The following ATP2B3 variants were observed in gnomAD, a reference collection of about 807,000 sequenced individuals.
ATP2B3 encodes the protein plasma membrane calcium-transporting ATPase 3.
A neutral mutation model predicts 70.8 loss-of-function variants in ATP2B3; 12 were observed. The ratio of observed to expected loss-of-function variants is 0.17; its 90% CI spans 0.11 to 0.27. The LOEUF (loss-of-function observed/expected upper bound fraction) is 0.27. ATP2B3 is among the 10% of genes least tolerant of loss of function. The probability of loss-of-function intolerance (pLI) is 1.00; values close to 1 mark genes in which losing one functional copy is unlikely to be tolerated. For synonymous variants in ATP2B3, 460 were observed against 497.8 expected, an observed-to-expected ratio of 0.92 and a Z score of 1.01; for missense variants, 858 against 1,118.5, an observed-to-expected ratio of 0.77 and a Z score of 3.32.
chrX:153,531,064 G>A (rs986391793), intron 2 of ATP2B3, among the ~76,000 whole-genome samples: 17 of 111,854 alleles, frequency 1.5e-4, no homozygotes, highest in African/African-American at 2.9e-4. Context: ...GCCAAGGTGC[G>A]TCAAGCAGAG....
intron 13 of ATP2B3, among the ~76,000 whole-genome samples, chrX:153,554,757 G>A (rs781926665): frequency 8.9e-5 from 10 of 112,674 alleles, no homozygotes; most frequent in Non-Finnish European, 1.7e-4. Context: ...GAGCTGGGCC[G>A]GCCGGGGGCA....
chrX:153,570,940 C>T (rs1187962342), intron 21 of ATP2B3, among the ~76,000 whole-genome samples: 1 of 107,928 alleles, frequency 9.3e-6, no homozygotes, highest in African/African-American at 3.4e-5. Flanking sequence ...TTGGGCCACT[C>T]TGTCCTTTAA....
chrX:153,574,824 G>A, intron 21 of ATP2B3: 1 of 331,096 alleles, frequency 3.0e-6, no homozygotes, highest in Middle Eastern at 4.4e-4. Flanking sequence ...CTGGCCGGCA[G>A]TGGCATCGCA....
In ATP2B3 at chrX:153,548,586, C is replaced by T. The variant is rs963131559; in HGVS notation, c.1124-54C>T. On this transcript the variant is annotated intron_variant, in intron 9 of 21. Transcript: ENST00000263519. ...ACCTCTTCTTCCCTCTTCCTGTCCCCCTCCTTCCCTCACCCGTGGCAACCC... is the reference window on the plus strand; with the variant it reads ...ACCTCTTCTTCCCTCTTCCTGTCCCTCTCCTTCCCTCACCCGTGGCAACCC... 1.3e-5 allele frequency: 14 copies of T among 1,066,512 alleles called. No homozygotes were observed. In the African/African-American group the frequency reaches 2.4e-4, roughly 18 times the overall value. 87.9% of individuals were successfully genotyped at this position (1,066,512 alleles called of 1,213,427 possible).
At chrX:153,536,600 GC>G in intron 3 of ATP2B3, 145 bp downstream of exon 3, 2 of 649,177 alleles carry the variant, frequency 3.1e-6, no homozygotes, top group East Asian at 7.1e-5. Flanking sequence ...AGGGGGAGAT[GC>G]CCTGGGTAAC....
intron 11 of ATP2B3, 142 bp from the exon 12 acceptor site, chrX:153,549,903 A>T: frequency 9.2e-7 from 1 of 1,082,677 alleles, no homozygotes; most frequent in Admixed American, 3.0e-5. Context: ...AACTGCCTGT[A>T]GCTAAGGCCG....
intron 19 of ATP2B3, 146 bp from the exon 20 acceptor site, chrX:153,561,989 G>A (rs1035279383): frequency 4.4e-5 from 24 of 548,660 alleles, no homozygotes; most frequent in South Asian, 2.0e-4. Context: ...CTGTCATCAC[G>A]CCCCCGGCCT....
chrX:153,550,118 T>C lies in ATP2B3; in HGVS notation c.1655T>C (p.Leu552Ser). 8.2e-7 allele frequency: 1 copy of C among 1,212,605 alleles called. No individual in the cohort carries two copies. Among genetic ancestry groups the C allele is most frequent in the Non-Finnish European group, 1.1e-6 (1 of 895,684 alleles). The change falls in exon 12 of 22, where the codon TTG becomes TCG. Residue 552 changes from leucine to serine, a missense_variant. Around this residue, in one of 5 missense-constraint regions of ATP2B3, gnomAD observed 242 missense variants for 281.3 expected, o/e 0.86. Transcript: ENST00000263519. The part of the protein sequence containing the change: ...KTECALLGFV[L>S]DLKRDFQPVR... Reference sequence around the variant, plus strand: ...GAGTGCGCCCTGCTGGGCTTCGTCTTGGACCTGAAGCGGGACTTCCAGCCC... The same window carrying C: ...GAGTGCGCCCTGCTGGGCTTCGTCTCGGACCTGAAGCGGGACTTCCAGCCC...
At chrX:153,521,719 C>A (rs907177902) in intron 2 of ATP2B3, among the ~76,000 whole-genome samples, 7 of 111,742 alleles carry the variant, frequency 6.3e-5, no homozygotes, top group African/African-American at 2.3e-4. Context: ...AGGCTCAAGG[C>A]ACTTTCTCCA....
chrX:153,522,132 G>A (rs1161442261), intron 2 of ATP2B3, among the ~76,000 whole-genome samples: 8 of 112,647 alleles, frequency 7.1e-5, no homozygotes, highest in Admixed American at 5.6e-4. Flanking sequence ...GGGCTTGAAC[G>A]GGTCGTTCCT....
Position 153,550,134 on chromosome X carries a change from C to T in ATP2B3, c.1671C>T (p.Asp557=). ...GCTTCGTCTTGGACCTGAAGCGGGA[C>T]TTCCAGCCCGTGCGCGAGCAGATCC... ...LLGFVLDLKR[D]FQPVREQIPE... is the part of the protein sequence containing the mutation. Residue 557 remains aspartate, a synonymous_variant, in exon 12 of 22, where the codon GAC becomes GAT. Transcript: ENST00000263519. 1.6e-5 allele frequency: 19 copies of T among 1,212,621 alleles called. 1 individual carries two copies. Among genetic ancestry groups the T allele is most frequent in the Non-Finnish European group, 2.1e-5 (19 of 895,697 alleles).
Position 153,553,200 on chromosome X carries a change from C to T in ATP2B3, c.1989C>T (p.Asn663=), listed in dbSNP as rs200802886. The part of the protein sequence containing the change: ...FSAGQEPDWD[N]ENEVVGDLTC... ...CAGGCCAGGAGCCCGACTGGGACAA[C>T]GAGAATGAGGTCGTGGGTGACCTCA... Residue 663 remains asparagine (N), a synonymous_variant, in exon 13 of 22, where the codon AAC becomes AAT. Coordinates refer to ENST00000263519, the MANE Select transcript of ATP2B3 (RefSeq NM_001001344.3). 5 of 1,210,017 alleles carry T rather than the reference C, an allele frequency of 4.1e-6. No individual in the cohort carries two copies. Among genetic ancestry groups the T allele is most frequent in the African/African-American group, 3.5e-5 (2 of 57,268 alleles).
intron 3 of ATP2B3, among the ~76,000 whole-genome samples, chrX:153,539,633 A>G (rs1417300384): frequency 8.8e-6 from 1 of 113,111 alleles, no homozygotes; most frequent in Non-Finnish European, 1.9e-5. Flanking sequence ...CCAGCTGCCC[A>G]GGGCTGGGAG....
At chrX:153,556,255 G>T in intron 14 of ATP2B3, 27 bp downstream of exon 14, 2 of 1,202,141 alleles carry the variant, frequency 1.7e-6, no homozygotes, top group Non-Finnish European at 2.2e-6. Context: ...TGCCACCCCA[G>T]ACCCCCCTTC....
At chrX:153,566,081 C>T (rs782406352) in intron 21 of ATP2B3, among the ~76,000 whole-genome samples, 1 of 112,673 alleles carries the variant, frequency 8.9e-6, no homozygotes, top group Non-Finnish European at 1.9e-5. Context: ...GCCCCTCTCC[C>T]ACCGCAGCCC....
At chrX:153,537,815 T>C (rs1852693003) in intron 3 of ATP2B3, among the ~76,000 whole-genome samples, 1 of 112,709 alleles carries the variant, frequency 8.9e-6, no homozygotes, top group African/African-American at 3.2e-5. Context: ...CTCAGCTGTC[T>C]GCTCTTCCCC....
chrX:153,529,506 C>T (rs1484931601), intron 2 of ATP2B3, among the ~76,000 whole-genome samples: 1 of 112,316 alleles, frequency 8.9e-6, no homozygotes, highest in Non-Finnish European at 1.9e-5. Context: ...GTCCACCACC[C>T]TGGACACAGG....
intron 2 of ATP2B3, among the ~76,000 whole-genome samples, chrX:153,533,406 C>T (rs781856830): frequency 6.5e-4 from 72 of 111,188 alleles, no homozygotes; most frequent in African/African-American, 2.2e-3. Flanking sequence ...AGAGGGCGTG[C>T]GGTCGGGGCT....
At chrX:153,544,582 T>C (rs2090335619) in intron 7 of ATP2B3, among the ~76,000 whole-genome samples, 1 of 111,555 alleles carries the variant, frequency 9.0e-6, no homozygotes, top group Non-Finnish European at 1.9e-5. Flanking sequence ...GCTGGCCAGC[T>C]GGGTAGAGGG....
Sources: allele counts gnomAD v4.1 joint callset (sites outside exome capture counted in the v4.1 genomes callset), GRCh38; gene constraint gnomAD v4.1.1; regional missense constraint gnomAD v4.1.1; transcripts MANE v1.5; gene names NCBI Gene and HGNC (gene_info 2026-07-23, HGNC 2026-07-21).